The following GCNT2 variants were observed in gnomAD, a reference collection of about 807,000 sequenced individuals.
GCNT2 encodes N-acetyllactosaminide beta-1,6-N-acetylglucosaminyl-transferase.
In GCNT2, 34 loss-of-function variants were observed where a neutral mutation model predicts 34.2. The observed-to-expected ratio is 1.00, with a 90% CI of 0.76 to 1.32. The LOEUF is 1.32. GCNT2 is among the 40% of genes most tolerant of loss of function. The probability of loss-of-function intolerance (pLI) is 0.00; values close to 1 mark genes in which losing one functional copy is unlikely to be tolerated. For synonymous variants in GCNT2, 212 were observed against 188.0 expected, an observed-to-expected ratio of 1.13 and a Z score of -1.04; for missense variants, 584 against 489.4, an observed-to-expected ratio of 1.19 and a Z score of -1.82.
intron 3 of GCNT2, among the ~76,000 whole-genome samples, chr6:10,577,702 A>G (rs978000664): frequency 2.0e-5 from 3 of 151,812 alleles, no homozygotes; most frequent in Non-Finnish European, 4.4e-5. Context: ...CACCATGCCC[A>G]GTTAATTTTT....
rs144003460 is a variant in GCNT2 at position 10,586,110 on chromosome 6, G to A, written c.926-35241G>A. On this transcript the variant is annotated intron_variant, in intron 3 of 4. Transcript: ENST00000495262. ...TTATGAGAAGCTGAACAGTTCCAGT[G>A]AAAGGTATTTTAGGAAAACTGCCTG... is the stretch of plus-strand genomic sequence containing the variant. The A allele has an allele frequency of 5.3e-5, 85 of 1,614,158 alleles. No individual in the cohort carries two copies. In the East Asian group the frequency reaches 1.7e-3, roughly 33 times the overall value.
At chr6:10,538,237 G>A (rs937475014) in intron 3 of GCNT2, among the ~76,000 whole-genome samples, 8 of 150,836 alleles carry the variant, frequency 5.3e-5, no homozygotes, top group African/African-American at 1.7e-4. Flanking sequence ...ATGAAACCCC[G>A]TCTCTACTAA....
In GCNT2 at chr6:10,586,248, C is replaced by G. The variant is rs11966400; in HGVS notation, c.926-35103C>G. ...GACCCAGAATCACTACATCACAAGTCCCCTGTCGGAAGAAGAGGCTGCATT... is the reference window on the plus strand; with the variant it reads ...GACCCAGAATCACTACATCACAAGTGCCCTGTCGGAAGAAGAGGCTGCATT... On this transcript the variant is annotated intron_variant, in intron 3 of 4. Transcript: ENST00000495262. 3.7e-6 allele frequency: 6 copies of G among 1,614,084 alleles called. No homozygotes were observed. In the African/African-American group the frequency reaches 6.7e-5, roughly 18 times the overall value.
intron 3 of GCNT2, among the ~76,000 whole-genome samples, chr6:10,584,437 C>T (rs1327500161): frequency 2.0e-5 from 3 of 152,154 alleles, no homozygotes; most frequent in African/African-American, 2.4e-5. Flanking sequence ...GGGAGACAGA[C>T]GCCTTCCTCT....
At chr6:10,522,201 AT>A (rs1469509846) in intron 1 of GCNT2, among the ~76,000 whole-genome samples, 1 of 152,046 alleles carries the variant, frequency 6.6e-6, no homozygotes, top group Non-Finnish European at 1.5e-5. Context: ...AATGTATTTT[AT>A]TTAATTAGTT....
rs57813293 is a variant in GCNT2 at position 10,544,945 on chromosome 6, C to CAAATAAATAAATAAAT, written c.925+15130_925+15145dup. 5.7e-3 allele frequency among the ~76,000 whole-genome samples: 850 copies of CAAATAAATAAATAAAT among 149,062 alleles called. 3 individuals carry two copies. Among genetic ancestry groups the CAAATAAATAAATAAAT allele is most frequent in the African/African-American group, 0.019 (758 of 39,930 alleles). On this transcript the variant is annotated intron_variant, in intron 3 of 4. Coordinates refer to ENST00000495262, the MANE Select transcript of GCNT2 (RefSeq NM_145649.5). ...TGGCAACAGAGCAAAAACTCTGTCT[C>CAAATAAATAAATAAAT]AAATAAATAAATAAATAAATAAATA... is the stretch of plus-strand genomic sequence containing the variant.
chr6:10,547,655 C>A (rs1382006148), intron 3 of GCNT2, among the ~76,000 whole-genome samples: 2 of 152,164 alleles, frequency 1.3e-5, no homozygotes, highest in African/African-American at 4.8e-5. Flanking sequence ...AAGTAGATAT[C>A]CTGTTTATCA....
At chr6:10,617,839 C>T (rs1442340675) in intron 3 of GCNT2, among the ~76,000 whole-genome samples, 1 of 150,314 alleles carries the variant, frequency 6.7e-6, no homozygotes, top group African/African-American at 2.5e-5. Context: ...ACTGCAACCT[C>T]CACCTCCCAG....
Position 10,626,710 on chromosome 6 carries a change from C to A in GCNT2, c.*103C>A. ...TTCGTAATGTTAACCGTTTCAGGACCACGTTTATAGCTTCAGGACCTGGCT... is the reference window on the plus strand; with the variant it reads ...TTCGTAATGTTAACCGTTTCAGGACAACGTTTATAGCTTCAGGACCTGGCT... On this transcript the variant is annotated 3_prime_UTR_variant, in exon 5 of 5. Transcript: ENST00000495262. 1.2e-6 allele frequency: 1 copy of A among 805,724 alleles called. No individual in the cohort carries two copies. Among genetic ancestry groups the A allele is most frequent in the African/African-American group, 1.7e-5 (1 of 59,588 alleles). The allele number at this position is 805,724 out of a possible 1,614,324, so 49.9% of individuals were successfully genotyped here.
At chr6:10,521,922 CAT>C (rs915756900) in intron 1 of GCNT2, among the ~76,000 whole-genome samples, 3 of 149,326 alleles carry the variant, frequency 2.0e-5, no homozygotes, top group South Asian at 2.1e-4. Flanking sequence ...TTTTTCCAGA[CAT>C]AGTCTCACTC....
At chr6:10,591,251 G>T (rs1230760369) in intron 3 of GCNT2, among the ~76,000 whole-genome samples, 1 of 152,226 alleles carries the variant, frequency 6.6e-6, no homozygotes, top group Non-Finnish European at 1.5e-5. Flanking sequence ...GATATGCAGG[G>T]TGCTAGATGG....
At position 10,528,872 on chromosome 6, in the gene GCNT2, A is replaced by T; in HGVS notation, c.-40A>T. On this transcript the variant is annotated 5_prime_UTR_variant, in exon 3 of 5. Coordinates refer to ENST00000495262, the MANE Select transcript of GCNT2 (RefSeq NM_145649.5). ...TTAAATATATCTACACTCTGATCCT[A>T]TCTCAAGAGAGAGATATTTTACTCA... is the stretch of plus-strand genomic sequence containing the variant. The T allele has an allele frequency of 6.8e-7, 1 of 1,460,092 alleles. No individual in the cohort carries two copies. Among genetic ancestry groups the T allele is most frequent in the Non-Finnish European group, 9.6e-7 (1 of 1,040,422 alleles). The allele number at this position is 1,460,092 out of a possible 1,614,324, so 90.4% of individuals were successfully genotyped here.
intron 3 of GCNT2, among the ~76,000 whole-genome samples, chr6:10,590,889 T>A (rs780897795): frequency 6.6e-6 from 1 of 152,186 alleles, no homozygotes; most frequent in Non-Finnish European, 1.5e-5. Context: ...TTTAATGACA[T>A]CCTCTCATAA....
At position 10,622,813 on chromosome 6, in the gene GCNT2, G is replaced by A. The variant is rs150464875; in HGVS notation, c.1018+1370G>A. On this transcript the variant is annotated intron_variant, in intron 4 of 4. Coordinates refer to ENST00000495262, the MANE Select transcript of GCNT2 (RefSeq NM_145649.5). The stretch of plus-strand genomic sequence containing the variant: ...TATCACCAGGCTGGAGAGCAGTGGC[G>A]CCATCTCAGCTCACTGCTGCAACCT... Among the ~76,000 whole-genome samples the A allele has an allele frequency of 1.6e-4, 21 of 131,428 alleles. No homozygotes were observed. The East Asian group carries it at 4.1e-3, about 26-fold the overall frequency. 86.2% of individuals were successfully genotyped at this position (131,428 alleles called of 152,430 possible).
At chr6:10,555,640 G>A (rs1319281480) in intron 3 of GCNT2, 4 of 519,936 alleles carry the variant, frequency 7.7e-6, no homozygotes, top group Non-Finnish European at 9.9e-6. Context: ...AGTGAGAGGA[G>A]AGGGGTTCGT....
At chr6:10,550,229 T>C (rs1762426382) in intron 3 of GCNT2, among the ~76,000 whole-genome samples, 1 of 152,116 alleles carries the variant, frequency 6.6e-6, no homozygotes, top group African/African-American at 2.4e-5. Context: ...AATTTTTGTA[T>C]TTTTAGTAGA....
intron 3 of GCNT2, among the ~76,000 whole-genome samples, chr6:10,599,089 C>T (rs552552282): frequency 6.6e-6 from 1 of 152,260 alleles, no homozygotes; most frequent in African/African-American, 2.4e-5. Flanking sequence ...TACAAAGGGT[C>T]TGGAAGATTT....
At chr6:10,599,555 G>A (rs990112231) in intron 3 of GCNT2, among the ~76,000 whole-genome samples, 2 of 152,142 alleles carry the variant, frequency 1.3e-5, no homozygotes, top group African/African-American at 2.4e-5. Context: ...TAGACATGAG[G>A]CCATGTACCT....
intron 3 of GCNT2, chr6:10,586,003 G>A: frequency 6.2e-7 from 1 of 1,614,112 alleles, no homozygotes; most frequent in Non-Finnish European, 8.5e-7. Context: ...AACTTTTGGA[G>A]GTACTGCTTT....
Sources: gnomAD v4.1 joint callset for allele counts (sites outside exome capture counted in the v4.1 genomes callset) on GRCh38, gnomAD v4.1.1 for gene constraint, MANE v1.5 for transcripts, NCBI Gene and HGNC (gene_info 2026-07-23, HGNC 2026-07-21) for gene names.